The following MACROD2 variants were observed in gnomAD, a reference collection of about 807,000 sequenced individuals.
MACROD2 encodes ADP-ribose glycohydrolase MACROD2.
Under a neutral mutation model 70.4 loss-of-function variants are expected in MACROD2, and 36 were observed. The observed-to-expected ratio is 0.51, with a 90% CI of 0.39 to 0.68. The LOEUF is 0.68. Ranked by LOEUF, MACROD2 falls within the 30% of genes least tolerant of loss-of-function variation. The pLI is 0.00. For missense variants in MACROD2, 496 were observed against 538.4 expected, an observed-to-expected ratio of 0.92 and a Z score of 0.78; for synonymous variants, 172 against 178.8, an observed-to-expected ratio of 0.96 and a Z score of 0.30.
rs906111173 is a variant in MACROD2, at chr20:14,837,870, A to AT, written c.418+152922dup. ...GCAAGGCTCCACAGGGTGGGGTTAG[A>AT]TTTTTTTTTTTCAATGATACATTCC... On this transcript the variant is annotated intron_variant, in intron 5 of 17. Transcript: ENST00000684519. 5.0e-4 allele frequency among the ~76,000 whole-genome samples: 74 copies of AT among 148,594 alleles called. 1 individual carries two copies. The highest frequency in any genetic ancestry group is 7.8e-4 in the Non-Finnish European group (52 of 66,718).
Position 15,483,622 on chromosome 20 carries a change from T to C in MACROD2, c.572-16152T>C, listed in dbSNP as rs145643036. The stretch of plus-strand genomic sequence containing the variant: ...CTGGGTTGGGATTGCATTGAAAATA[T>C]AGATTCTTCTTTCCAACTGAAAAGT... On this transcript the variant is annotated intron_variant, in intron 7 of 17. Transcript: ENST00000684519. Among the ~76,000 whole-genome samples, 410 of 152,318 alleles carry C rather than the reference T, an allele frequency of 2.7e-3. 2 individuals carry two copies. The highest frequency in any genetic ancestry group is 9.4e-3 in the African/African-American group (392 of 41,574).
At position 14,770,875 on chromosome 20, in the gene MACROD2, C is replaced by T. The variant is rs115545001; in HGVS notation, c.418+85916C>T. ...GCTCCAGTGCCATACAAATATGTGT[C>T]ACATATGCTACATTATATTTTCATA... On this transcript the variant is annotated intron_variant, in intron 5 of 17. Coordinates refer to ENST00000684519, the MANE Select transcript of MACROD2 (RefSeq NM_001351661.2). Among the ~76,000 whole-genome samples, 900 of 152,148 alleles carry T rather than the reference C, an allele frequency of 5.9e-3. 20 individuals carry two copies. The highest frequency in any genetic ancestry group is 0.02 in the African/African-American group (836 of 41,480).
chr20:15,892,050 G>A (rs764915517), intron 10 of MACROD2, among the ~76,000 whole-genome samples: 1 of 152,124 alleles, frequency 6.6e-6, no homozygotes, highest in Non-Finnish European at 1.5e-5. Context: ...AAAACCACCA[G>A]GTGCCTAGAA....
chr20:15,429,667 T>C (rs1425697561), intron 6 of MACROD2, among the ~76,000 whole-genome samples: 1 of 152,126 alleles, frequency 6.6e-6, no homozygotes, highest in African/African-American at 2.4e-5. Context: ...TTGACCTCAA[T>C]AGTAATGTTA....
chr20:15,767,997 T>C (rs1202581159), intron 8 of MACROD2, among the ~76,000 whole-genome samples: 3 of 151,954 alleles, frequency 2.0e-5, no homozygotes, highest in Non-Finnish European at 4.4e-5. Flanking sequence ...TTTATAAAGC[T>C]GTATCATATC....
rs558301295 is a variant in MACROD2 at position 15,558,454 on chromosome 20, A to C, written c.645+58607A>C. Among the ~76,000 whole-genome samples the C allele has an allele frequency of 3.3e-3, 496 of 152,352 alleles. 1 individual carries two copies. The highest frequency in any genetic ancestry group is 0.01 in the Middle Eastern group (3 of 294). ...TGGCAAAAAACACAATTACTTTTGC[A>C]CCAACCTAATGCTTTGTCCCACACT... On this transcript the variant is annotated intron_variant, in intron 8 of 17. Transcript: ENST00000684519.
At chr20:15,318,394 A>T (rs867712851) in intron 6 of MACROD2, among the ~76,000 whole-genome samples, 2 of 152,154 alleles carry the variant, frequency 1.3e-5, no homozygotes, top group Non-Finnish European at 2.9e-5. Flanking sequence ...AATCTACTCA[A>T]CATTTAAGCA....
intron 5 of MACROD2, among the ~76,000 whole-genome samples, chr20:14,835,326 T>G (rs2073017693): frequency 6.6e-6 from 1 of 152,010 alleles, no homozygotes; most frequent in Non-Finnish European, 1.5e-5. Context: ...ATGTGAAATA[T>G]CAGTTAACAT....
At chr20:15,255,446 G>A (rs571936185) in intron 6 of MACROD2, among the ~76,000 whole-genome samples, 1 of 152,180 alleles carries the variant, frequency 6.6e-6, no homozygotes, top group South Asian at 2.1e-4. Flanking sequence ...TGGTACAATT[G>A]GCAATCATCA....
chr20:15,584,240 T>G (rs1050406501), intron 8 of MACROD2, among the ~76,000 whole-genome samples: 1 of 152,194 alleles, frequency 6.6e-6, no homozygotes, highest in Non-Finnish European at 1.5e-5. Flanking sequence ...TTTACATGTA[T>G]TTTTTAAAAG....
intron 5 of MACROD2, among the ~76,000 whole-genome samples, chr20:15,200,639 A>G (rs1009898347): frequency 2.3e-4 from 35 of 152,334 alleles, no homozygotes; most frequent in African/African-American, 7.9e-4. Context: ...CGTGTGCTAG[A>G]AAGTTATAAA....
At chr20:15,564,092 G>T (rs942817620) in intron 8 of MACROD2, among the ~76,000 whole-genome samples, 3 of 152,088 alleles carry the variant, frequency 2.0e-5, no homozygotes, top group African/African-American at 4.8e-5. Flanking sequence ...TGTGTGACAC[G>T]CTAGAAGAAT....
intron 5 of MACROD2, among the ~76,000 whole-genome samples, chr20:14,823,767 G>A (rs886224686): frequency 6.6e-6 from 1 of 151,990 alleles, no homozygotes; most frequent in Non-Finnish European, 1.5e-5. Flanking sequence ...AAATATATTT[G>A]GTGGCTTTTT....
At chr20:14,433,671 G>A (rs951272405) in intron 3 of MACROD2, among the ~76,000 whole-genome samples, 1 of 152,020 alleles carries the variant, frequency 6.6e-6, no homozygotes, top group African/African-American at 2.4e-5. Context: ...CTAACATATG[G>A]CAGCAATGCA....
intron 3 of MACROD2, among the ~76,000 whole-genome samples, chr20:14,123,124 G>A (rs762217916): frequency 6.6e-6 from 1 of 152,160 alleles, no homozygotes; most frequent in East Asian, 1.9e-4. Flanking sequence ...ATAGCCATGA[G>A]TGTAATCTGA....
intron 6 of MACROD2, among the ~76,000 whole-genome samples, chr20:15,370,837 G>A (rs2045481745): frequency 6.6e-6 from 1 of 151,896 alleles, no homozygotes; most frequent in African/African-American, 2.4e-5. Context: ...AAGGAAAAAA[G>A]CATAAGGTAG....
intron 5 of MACROD2, among the ~76,000 whole-genome samples, chr20:14,848,272 A>T (rs1247405982): frequency 6.6e-6 from 1 of 152,164 alleles, no homozygotes; most frequent in Non-Finnish European, 1.5e-5. Context: ...CCACTGTCAA[A>T]TATACTTCTG....
At chr20:14,517,190 A>G (rs1435787116) in intron 4 of MACROD2, among the ~76,000 whole-genome samples, 5 of 152,330 alleles carry the variant, frequency 3.3e-5, no homozygotes, top group South Asian at 2.1e-4. Context: ...ATTACTGGGT[A>G]TATACCCAAA....
rs570989302 is a variant in MACROD2, at chr20:14,933,857, G to T, written c.418+248898G>T. 4.6e-5 allele frequency: 7 copies of T among 152,136 alleles called. No individual in the cohort carries two copies. The East Asian group carries it at 1.4e-3, about 29-fold the overall frequency. The allele number at this position is 152,136 out of a possible 1,614,324, so 9.4% of individuals were successfully genotyped here. ...TCTGAAATTTGTACAGTGAGGATTG[G>T]AATTTTTATTTGTATTTATTTAAAA... On this transcript the variant is annotated intron_variant, in intron 5 of 17. Transcript: ENST00000684519.
Sources: gnomAD v4.1 joint callset for allele counts (sites outside exome capture counted in the v4.1 genomes callset) on GRCh38, gnomAD v4.1.1 for gene constraint, MANE v1.5 for transcripts, NCBI Gene and HGNC (gene_info 2026-07-23, HGNC 2026-07-21) for gene names.